Variants in ABCB4 observed in about 807,000 individuals in gnomAD.
ABCB4 encodes phosphatidylcholine translocator ABCB4.
Under a neutral mutation model 145.7 loss-of-function variants are expected in ABCB4, and 76 were observed. The observed-to-expected ratio is 0.52, with a 90% confidence interval of 0.43 to 0.63. The LOEUF (loss-of-function observed/expected upper bound fraction) is 0.63. Among genes scored for constraint, ABCB4 ranks in the 30% least tolerant of loss-of-function variants. The pLI, the probability that ABCB4 is intolerant of heterozygous loss-of-function variation, is 0.00. For missense variants in ABCB4, 1,234 were observed against 1,553.1 expected (o/e 0.79, Z 3.45); for synonymous variants, 517 against 566.8 (o/e 0.91, Z 1.25).
chr7:87,411,978 A>G lies in ABCB4; in HGVS notation c.2839T>C (p.Phe947Leu). Residue 947 changes from phenylalanine (F) to leucine (L), a missense_variant, in exon 23 of 28, where the codon TTT (phenylalanine) becomes CTT (leucine). This residue lies in a region of ABCB4 where 301 missense variants were observed against 389.0 expected (regional missense o/e 0.77). Transcript: ENST00000649586. ...YGITFSISQA[F>L]MYFSYAGCFR... ...CAACCGGCATAGGAAAAATACATAA[A>G]TGCTTGTGAGATACTAAAAGTAATT... 1 of 1,613,918 alleles carries G rather than the reference A, an allele frequency of 6.2e-7. No individual in the cohort carries two copies.
intron 4 of ABCB4, among the ~76,000 whole-genome samples, chr7:87,457,144 C>T (rs1250155833): frequency 6.6e-6 from 1 of 152,124 alleles, no homozygotes; most frequent in Non-Finnish European, 1.5e-5. Flanking sequence ...CCCCGCCAGG[C>T]CCGGTGGCTC....
intron 3 of ABCB4, among the ~76,000 whole-genome samples, chr7:87,469,645 G>T (rs1813216548): frequency 6.6e-6 from 1 of 152,088 alleles, no homozygotes; most frequent in Admixed American, 6.5e-5. Context: ...AAAATACCTA[G>T]GAATCCAACT....
In ABCB4 at chr7:87,419,994, C is replaced by T; in HGVS notation, c.2394+4G>A. On this transcript the variant is annotated splice_donor_region_variant and intron_variant, in intron 19 of 27. Transcript: ENST00000649586. Reference sequence around the variant, plus strand: ...AGAAGGCATTCTCCAGCGCACACTCCTACCTGTCTTAGCATTGCTTTAAAA... The same window carrying T: ...AGAAGGCATTCTCCAGCGCACACTCTTACCTGTCTTAGCATTGCTTTAAAA... 3 of 1,613,850 alleles carry T rather than the reference C, an allele frequency of 1.9e-6. No homozygotes were observed. The highest frequency in any genetic ancestry group is 2.5e-6 in the Non-Finnish European group (3 of 1,179,774).
intron 9 of ABCB4, 38 bp downstream of exon 9, chr7:87,446,996 T>C: frequency 6.5e-7 from 1 of 1,547,084 alleles, no homozygotes; most frequent in Middle Eastern, 1.7e-4. Flanking sequence ...AGAAATAAGA[T>C]TTTCATATTC....
chr7:87,390,800 T>G, the ABCB4 span, among the ~76,000 whole-genome samples: 2 of 152,252 alleles, frequency 1.3e-5, no homozygotes, highest in African/African-American at 4.8e-5. Flanking sequence ...TACCTATTTC[T>G]GTGTAATAAA....
intron 7 of ABCB4, 67 bp from the exon 8 acceptor site, chr7:87,450,159 C>T (rs1811617479): frequency 5.0e-6 from 8 of 1,596,908 alleles, no homozygotes; most frequent in East Asian, 2.2e-5. Context: ...TCTGGTCAAC[C>T]CTTTAACCTA....
the ABCB4 span, among the ~76,000 whole-genome samples, chr7:87,378,430 G>A: frequency 3.3e-5 from 5 of 151,744 alleles, no homozygotes; most frequent in Admixed American, 6.6e-5. Flanking sequence ...ACTAGCGTTA[G>A]CGTAAGAAGA....
chr7:87,390,022 A>G, the ABCB4 span, among the ~76,000 whole-genome samples: 1 of 151,876 alleles, frequency 6.6e-6, no homozygotes, highest in Non-Finnish European at 1.5e-5. Flanking sequence ...CCTTTCTCTT[A>G]TTGTATTTGA....
the ABCB4 span, among the ~76,000 whole-genome samples, chr7:87,389,328 G>T: frequency 6.6e-6 from 1 of 152,140 alleles, no homozygotes. Flanking sequence ...GCACACATAT[G>T]TATATTGCAG....
At chr7:87,398,602 T>G (rs751014356), downstream of ABCB4, 15 of 1,613,790 alleles carry the variant, frequency 9.3e-6, no homozygotes, top group South Asian at 4.4e-5. Flanking sequence ...CTTTTTGTGC[T>G]TTTCATGATA....
intron 2 of ABCB4, among the ~76,000 whole-genome samples, chr7:87,472,995 T>C (rs1018022333): frequency 3.9e-5 from 6 of 152,214 alleles, no homozygotes; most frequent in Non-Finnish European, 8.8e-5. Flanking sequence ...AAATCATGAT[T>C]TAAAATTAGG....
At chr7:87,438,700 A>G (rs45540042) in intron 14 of ABCB4, among the ~76,000 whole-genome samples, 2,602 of 152,240 alleles carry the variant, frequency 0.017, 76 homozygotes, top group African/African-American at 0.059. Flanking sequence ...AGGGAGCCAT[A>G]ATCACACGAC....
intron 21 of ABCB4, among the ~76,000 whole-genome samples, chr7:87,416,835 C>T (rs1219444543): frequency 6.6e-6 from 1 of 152,176 alleles, no homozygotes; most frequent in Non-Finnish European, 1.5e-5. Context: ...AATGTTAAGC[C>T]CAATTGCCAT....
the ABCB4 span, among the ~76,000 whole-genome samples, chr7:87,368,400 G>A: frequency 0.025 from 3,793 of 152,210 alleles, 160 homozygotes; most frequent in African/African-American, 0.087. Context: ...AGTGGTGGTC[G>A]TAGAGGTAAA....
intron 3 of ABCB4, among the ~76,000 whole-genome samples, chr7:87,466,511 A>G (rs1180488241): frequency 6.6e-6 from 1 of 152,254 alleles, no homozygotes; most frequent in African/African-American, 2.4e-5. Context: ...CCAATCTAGC[A>G]AGGCAGGCCA....
chr7:87,386,109 T>C, the ABCB4 span, among the ~76,000 whole-genome samples: 3 of 152,338 alleles, frequency 2.0e-5, no homozygotes, highest in South Asian at 6.2e-4. Flanking sequence ...TCATCTGGGA[T>C]ACTGCTCTGT....
chr7:87,374,664 G>A, the ABCB4 span, among the ~76,000 whole-genome samples: 2 of 151,958 alleles, frequency 1.3e-5, no homozygotes. Flanking sequence ...TGTTCCTCAG[G>A]ACACCATTAA....
chr7:87,431,562 T>G lies in ABCB4; in HGVS notation c.1735A>C (p.Arg579=), dbSNP rs753107662. The change falls in exon 15 of 28, where the codon AGA becomes CGA. Residue 579 remains arginine (R), a synonymous_variant. Coordinates refer to ENST00000649586, the MANE Select transcript of ABCB4 (RefSeq NM_000443.4). ...AEVQAALDKA[R]EGRTTIVIAH... is the part of the protein sequence containing the mutation. ...ATCACAATGGTGGTCCGGCCTTCTC[T>G]GGCCTAAAAGAACAAAAATGTGGTG... is the stretch of plus-strand genomic sequence containing the variant. The G allele has an allele frequency of 6.2e-7, 1 of 1,614,108 alleles. No homozygotes were observed. The highest frequency in any genetic ancestry group is 8.5e-7 in the Non-Finnish European group (1 of 1,179,938).
chr7:87,459,600 T>C (rs1278082956), intron 4 of ABCB4, among the ~76,000 whole-genome samples: 1 of 152,124 alleles, frequency 6.6e-6, no homozygotes, highest in African/African-American at 2.4e-5. Context: ...TTTTTTACTT[T>C]AAATTTATTT....
Sources: allele counts gnomAD v4.1 joint callset (sites outside exome capture counted in the v4.1 genomes callset), GRCh38; gene constraint gnomAD v4.1.1; regional missense constraint gnomAD v4.1.1; transcripts MANE v1.5; gene names NCBI Gene and HGNC (gene_info 2026-07-23, HGNC 2026-07-21).